Variants in INO80 observed in about 807,000 individuals in gnomAD.
INO80 encodes INO80 complex ATPase subunit.
INO80 carries 20 observed loss-of-function variants against 203.4 expected under a neutral mutation model. That is an observed-to-expected ratio of 0.10 (90% CI 0.07 to 0.14). The LOEUF (loss-of-function observed/expected upper bound fraction) is 0.14, where lower values mean the gene tolerates loss of function less well. Among genes scored for constraint, INO80 ranks in the 10% least tolerant of loss-of-function variants. INO80 has a pLI of 1.00. For synonymous variants in INO80, 726 were observed against 685.2 expected (o/e 1.06, Z -0.93); for missense variants, 1,419 against 1,914.4 (o/e 0.74, Z 4.83).
chr15:41,086,650 C>CAA (rs758638165), intron 6 of INO80, among the ~76,000 whole-genome samples: 11 of 101,836 alleles, frequency 1.1e-4, no homozygotes, highest in Non-Finnish European at 2.0e-4. Context: ...GACTCCATCT[C>CAA]AAAAAAAAAA....
intron 1 of INO80, among the ~76,000 whole-genome samples, chr15:41,113,710 G>A (rs2140723436): frequency 6.6e-6 from 1 of 152,264 alleles, no homozygotes; most frequent in Middle Eastern, 3.4e-3. Flanking sequence ...TGATCCTCTT[G>A]CCTCCTGAGT....
intron 27 of INO80, among the ~76,000 whole-genome samples, chr15:41,010,771 T>C (rs2044122843): frequency 1.3e-5 from 2 of 152,258 alleles, no homozygotes; most frequent in South Asian, 2.1e-4. Context: ...CTGAAACTTC[T>C]ATTCCAAAGC....
intron 15 of INO80, among the ~76,000 whole-genome samples, chr15:41,059,304 G>A (rs529068740): frequency 4.0e-5 from 6 of 150,608 alleles, no homozygotes; most frequent in African/African-American, 1.5e-4. Context: ...CACAAACTAG[G>A]CTGAAACTAG....
At position 41,087,605 on chromosome 15, in the gene INO80, A is replaced by G; in HGVS notation, c.615T>C (p.Leu205=). 1 of 1,613,968 alleles carries G rather than the reference A, an allele frequency of 6.2e-7. No homozygotes were observed. Among genetic ancestry groups the G allele is most frequent in the South Asian group, 1.1e-5 (1 of 91,086 alleles). The change falls in exon 6 of 36, where the codon CTT becomes CTC. Residue 205 remains leucine (L), a synonymous_variant. Coordinates refer to ENST00000648947, the MANE Select transcript of INO80 (RefSeq NM_017553.3). ...DPFYEQQRHL[L]GPKKKKFKEE... Reference sequence around the variant, plus strand: ...CCTTAAATTTCTTTTTCTTGGGTCCAAGTAGGTGCCGTTGTTGCTCATAGA... The same window carrying G: ...CCTTAAATTTCTTTTTCTTGGGTCCGAGTAGGTGCCGTTGTTGCTCATAGA...
chr15:41,103,939 G>C (rs559303706), intron 1 of INO80, among the ~76,000 whole-genome samples: 1 of 152,124 alleles, frequency 6.6e-6, no homozygotes, highest in South Asian at 2.1e-4. Context: ...CTGACTGCCA[G>C]GCGCAGTGGC....
chr15:40,984,120 T>C (rs1893934886), intron 33 of INO80, 77 bp downstream of exon 33: 1 of 1,485,074 alleles, frequency 6.7e-7, no homozygotes, highest in South Asian at 1.2e-5. Context: ...AAGCAAAGAC[T>C]GCCCAGCAGT....
intron 6 of INO80, 81 bp downstream of exon 6, chr15:41,087,480 TA>T (rs2045579613): frequency 6.9e-7 from 1 of 1,441,552 alleles, no homozygotes; most frequent in Non-Finnish European, 9.5e-7. Context: ...GACTTATATA[TA>T]AAGTCCAAAT....
chr15:40,983,733 C>A, intron 34 of INO80, 29 bp downstream of exon 34: 1 of 1,608,346 alleles, frequency 6.2e-7, no homozygotes, highest in Non-Finnish European at 8.5e-7. Context: ...GTGGACCAGG[C>A]CCAAGCTGTA....
intron 1 of INO80, among the ~76,000 whole-genome samples, chr15:41,115,347 G>A (rs2046016508): frequency 6.6e-6 from 1 of 152,166 alleles, no homozygotes; most frequent in Non-Finnish European, 1.5e-5. Context: ...GCTCAAGAAG[G>A]AATGTCAAAA....
chr15:40,995,516 A>G (rs893279287), intron 29 of INO80, among the ~76,000 whole-genome samples: 16 of 152,244 alleles, frequency 1.1e-4, no homozygotes, highest in Non-Finnish European at 1.8e-4. Context: ...ACTTTATTTT[A>G]TAATTGATGA....
intron 7 of INO80, 66 bp downstream of exon 7, chr15:41,085,303 T>G (rs995121550): frequency 2.1e-5 from 28 of 1,336,360 alleles, no homozygotes; most frequent in Non-Finnish European, 2.2e-5. Context: ...CTCTCAGAGT[T>G]CCTCTTTAGT....
chr15:41,115,953 C>A lies in INO80; in HGVS notation c.-44+20G>T, dbSNP rs973506491. On this transcript the variant is annotated intron_variant, in intron 1 of 35. Coordinates refer to ENST00000648947, the MANE Select transcript of INO80 (RefSeq NM_017553.3). The stretch of plus-strand genomic sequence containing the variant: ...ACACAACCCCCACTCCGTTCGCCCG[C>A]CCACGTCTAGTTGCCTCACCTCGGG... The A allele has an allele frequency of 2.6e-6, 1 of 385,554 alleles. No homozygotes were observed. The highest frequency in any genetic ancestry group is 3.7e-5 in the East Asian group (1 of 26,904). 23.9% of individuals were successfully genotyped at this position (385,554 alleles called of 1,614,324 possible).
intron 28 of INO80, among the ~76,000 whole-genome samples, chr15:41,003,999 T>C (rs1209253657): frequency 2.0e-5 from 3 of 152,210 alleles, no homozygotes; most frequent in Admixed American, 6.5e-5. Flanking sequence ...TGATAAAATA[T>C]GTATCACTGA....
At chr15:41,082,573 C>T (rs771882420) in intron 7 of INO80, among the ~76,000 whole-genome samples, 18 of 152,028 alleles carry the variant, frequency 1.2e-4, no homozygotes, top group Non-Finnish European at 2.1e-4. Context: ...TGGTGGCAGG[C>T]GCCTGTAATC....
intron 1 of INO80, among the ~76,000 whole-genome samples, chr15:41,114,076 G>A (rs1303979275): frequency 2.6e-5 from 4 of 151,938 alleles, no homozygotes; most frequent in Non-Finnish European, 5.9e-5. Flanking sequence ...AGACCAGCCT[G>A]ACCAACATGG....
chr15:40,993,596 T>G (rs1158020670), intron 29 of INO80, among the ~76,000 whole-genome samples: 1 of 151,704 alleles, frequency 6.6e-6, no homozygotes, highest in East Asian at 1.9e-4. Flanking sequence ...CCATCTCTAC[T>G]AAAAATATAA....
At chr15:41,024,284 T>C (rs2044342124) in intron 25 of INO80, among the ~76,000 whole-genome samples, 1 of 152,140 alleles carries the variant, frequency 6.6e-6, no homozygotes, top group Admixed American at 6.5e-5. Context: ...ATGTAAGCAA[T>C]GTACTTATGA....
intron 7 of INO80, 84 bp downstream of exon 7, chr15:41,085,285 G>T (rs1418488309): frequency 7.8e-6 from 9 of 1,149,264 alleles, no homozygotes; most frequent in Non-Finnish European, 1.2e-5. Flanking sequence ...ATCTGTGAAA[G>T]TATCTAGCTC....
At chr15:41,092,829 T>C (rs568629297) in intron 4 of INO80, among the ~76,000 whole-genome samples, 1 of 152,098 alleles carries the variant, frequency 6.6e-6, no homozygotes, top group African/African-American at 2.4e-5. Context: ...GGCCCAGGCA[T>C]GAGGATTGCT....
Sources: allele counts gnomAD v4.1 joint callset (sites outside exome capture counted in the v4.1 genomes callset), GRCh38; gene constraint gnomAD v4.1.1; transcripts MANE v1.5; gene names NCBI Gene and HGNC (gene_info 2026-07-23, HGNC 2026-07-21).